CFAP52: variants seen among roughly 807,000 people sequenced by gnomAD.
CFAP52 encodes the protein cilia- and flagella-associated protein 52.
Under a neutral mutation model 70.5 loss-of-function variants are expected in CFAP52, and 57 were observed. The observed-to-expected ratio is 0.81, with a 90% CI of 0.65 to 1.01. CFAP52 has a LOEUF of 1.01. Among genes scored for constraint, CFAP52 ranks in the 50% least tolerant of loss-of-function variants. The probability of loss-of-function intolerance (pLI) is 0.00; values close to 1 mark genes in which losing one functional copy is unlikely to be tolerated. For missense variants in CFAP52, 785 were observed against 788.5 expected (o/e 1.00, Z 0.05); for synonymous variants, 267 against 292.5 (o/e 0.91, Z 0.89).
chr17:9,641,677 A>T, intron 12 of CFAP52, 47 bp from the exon 13 acceptor site: 1 of 1,402,496 alleles, frequency 7.1e-7, no homozygotes, highest in Non-Finnish European at 1.0e-6. Flanking sequence ...TGCATGGATG[A>T]CTCTCCTGAG....
At position 9,606,916 on chromosome 17, in the gene CFAP52, A is replaced by G. The variant is rs573001906; in HGVS notation, c.754-1203A>G. On this transcript the variant is annotated intron_variant, in intron 6 of 13. Coordinates refer to ENST00000352665, the MANE Select transcript of CFAP52 (RefSeq NM_145054.5). The stretch of plus-strand genomic sequence containing the variant: ...TGAGCCTTGGTTTCTCTTCTCAATC[A>G]CAAAATGTCTTTTGAGCCACAACAG... 2.0e-5 allele frequency among the ~76,000 whole-genome samples: 3 copies of G among 152,324 alleles called. No homozygotes were observed. In the South Asian group the frequency reaches 6.2e-4, roughly 32 times the overall value.
rs1383486938 is a variant in CFAP52, at chr17:9,643,040, G to A, written c.1705G>A (p.Val569Ile). The change falls in exon 14 of 14, where the codon GTC becomes ATC. Residue 569 changes from valine (V) to isoleucine (I), a missense_variant. Physicochemically the swap from Val to Ile is conservative, Grantham distance 29. Transcript: ENST00000352665. ...HFVTGGNDHLVKVWDYNEGEV... is the reference protein window; with the variant it reads ...HFVTGGNDHLIKVWDYNEGEV... ...TTTTTCAGGTGGAAATGACCATCTG[G>A]TCAAAGTTTGGGATTATAATGAGGG... 4 of 1,602,956 alleles carry A rather than the reference G, an allele frequency of 2.5e-6. No homozygotes were observed. In the African/African-American group the frequency reaches 4.0e-5, roughly 16 times the overall value.
chr17:9,592,306 T>G (rs989953474), intron 3 of CFAP52, among the ~76,000 whole-genome samples: 1 of 151,646 alleles, frequency 6.6e-6, no homozygotes, highest in South Asian at 2.1e-4. Flanking sequence ...CTACTAAAAA[T>G]GCAAAAAAAA....
intron 12 of CFAP52, 91 bp downstream of exon 12, chr17:9,638,802 C>A: frequency 8.0e-7 from 1 of 1,257,472 alleles, no homozygotes; most frequent in Non-Finnish European, 1.1e-6. Context: ...TGGAGTCAAA[C>A]CACCTTGTTT....
At position 9,594,173 on chromosome 17, in the gene CFAP52, G is replaced by C. The variant is rs759555147; in HGVS notation, c.408-20G>C. The C allele has an allele frequency of 1.4e-6, 2 of 1,474,598 alleles. No homozygotes were observed. The highest frequency in any genetic ancestry group is 1.8e-6 in the Non-Finnish European group (2 of 1,109,480). 91.3% of individuals were successfully genotyped at this position (1,474,598 alleles called of 1,614,324 possible). On this transcript the variant is annotated intron_variant, in intron 3 of 13. Transcript: ENST00000352665. ...GTTTTCTCTTTGACTTTTTTTTTTT[G>C]GTCCCTCTTATTTTGGCAGTGTGGT...
intron 12 of CFAP52, among the ~76,000 whole-genome samples, chr17:9,640,680 C>A (rs1017460163): frequency 2.0e-5 from 3 of 152,096 alleles, no homozygotes; most frequent in African/African-American, 7.2e-5. Context: ...GTCACCCAGG[C>A]TGGAGTGCAG....
At chr17:9,602,302 G>A (rs1909304821) in intron 6 of CFAP52, among the ~76,000 whole-genome samples, 3 of 152,086 alleles carry the variant, frequency 2.0e-5, no homozygotes. Flanking sequence ...AGGCCCCGGT[G>A]TGTGATGTTC....
intron 8 of CFAP52, among the ~76,000 whole-genome samples, chr17:9,628,091 T>C (rs1026237688): frequency 6.6e-6 from 1 of 152,040 alleles, no homozygotes; most frequent in South Asian, 2.1e-4. Flanking sequence ...CTACCAAGAC[T>C]TTGTGAGAAT....
chr17:9,616,306 C>G (rs1202325426), intron 8 of CFAP52, among the ~76,000 whole-genome samples: 14 of 130,250 alleles, frequency 1.1e-4, no homozygotes. Context: ...TAAGAAACGG[C>G]GCACCACGAG....
Position 9,643,266 on chromosome 17 carries a change from C to A in CFAP52, c.*68C>A. On this transcript the variant is annotated 3_prime_UTR_variant, in exon 14 of 14. Coordinates refer to ENST00000352665, the MANE Select transcript of CFAP52 (RefSeq NM_145054.5). ...TGTTGAAGACTGAGTTTAGATAACT[C>A]CAACACTAGTCTTCATTTCTCACAG... is the stretch of plus-strand genomic sequence containing the variant. 7.6e-7 allele frequency: 1 copy of A among 1,307,226 alleles called. No homozygotes were observed. The highest frequency in any genetic ancestry group is 2.5e-5 in the South Asian group (1 of 40,320). The allele number at this position is 1,307,226 out of a possible 1,614,324, so 81.0% of individuals were successfully genotyped here. A position where few individuals can be genotyped will look rare whatever the true frequency, so the allele number is the denominator to read the frequency against.
intron 9 of CFAP52, among the ~76,000 whole-genome samples, chr17:9,630,011 C>G (rs1405087128): frequency 6.6e-6 from 1 of 151,962 alleles, no homozygotes. Context: ...CTAGAGCGAA[C>G]ACGGCTCAGG....
At chr17:9,631,684 C>T (rs747750432) in intron 9 of CFAP52, among the ~76,000 whole-genome samples, 20 of 150,532 alleles carry the variant, frequency 1.3e-4, no homozygotes, top group African/African-American at 4.7e-4. Flanking sequence ...GGTTGGGGGT[C>T]GGGCACAAAT....
chr17:9,614,558 A>G (rs1451703254), intron 8 of CFAP52, among the ~76,000 whole-genome samples: 7 of 152,224 alleles, frequency 4.6e-5, no homozygotes, highest in African/African-American at 1.7e-4. Flanking sequence ...AATTTTTGCT[A>G]TAATGTAATA....
chr17:9,635,685 G>A (rs2151951773), intron 11 of CFAP52, 129 bp downstream of exon 11: 2 of 1,224,960 alleles, frequency 1.6e-6, no homozygotes, highest in East Asian at 5.0e-5. Flanking sequence ...GTAAAGGGAT[G>A]TTCATCAGAA....
intron 6 of CFAP52, among the ~76,000 whole-genome samples, chr17:9,606,707 C>T (rs72820029): frequency 6.0e-4 from 91 of 152,278 alleles, no homozygotes; most frequent in South Asian, 1.2e-3. Flanking sequence ...AGCTTCGAGG[C>T]GCTGTTGAAC....
At chr17:9,596,081 A>ATATATATATATATATATG (rs1909003564) in intron 4 of CFAP52, among the ~76,000 whole-genome samples, 1 of 138,912 alleles carries the variant, frequency 7.2e-6, no homozygotes, top group Non-Finnish European at 1.5e-5. Flanking sequence ...ATATATATAT[A>ATATATATATATATATATG]TATATATATA....
intron 2 of CFAP52, 43 bp downstream of exon 2, chr17:9,586,015 T>C (rs1251256136): frequency 1.9e-6 from 3 of 1,591,080 alleles, no homozygotes; most frequent in Admixed American, 3.4e-5. Context: ...TATCTAGAGG[T>C]GCCTCCCTAG....
At chr17:9,607,570 T>C (rs1909544049) in intron 6 of CFAP52, among the ~76,000 whole-genome samples, 2 of 152,212 alleles carry the variant, frequency 1.3e-5, no homozygotes, top group South Asian at 2.1e-4. Flanking sequence ...GATAATACAG[T>C]CGCCAAACAA....
intron 8 of CFAP52, among the ~76,000 whole-genome samples, chr17:9,616,113 A>C (rs1282542654): frequency 6.6e-6 from 1 of 151,102 alleles, no homozygotes; most frequent in Non-Finnish European, 1.5e-5. Flanking sequence ...AGGGAGTGCC[A>C]GACAGTGGGC....
Sources: gnomAD v4.1 joint callset for allele counts (sites outside exome capture counted in the v4.1 genomes callset) on GRCh38, gnomAD v4.1.1 for gene constraint, MANE v1.5 for transcripts, NCBI Gene and HGNC (gene_info 2026-07-23, HGNC 2026-07-21) for gene names.